Variants in PHRF1 observed in about 807,000 individuals in gnomAD.
PHRF1 encodes the protein PHD and RING finger domain-containing protein 1.
Under a neutral mutation model 128.9 loss-of-function variants are expected in PHRF1, and 53 were observed. The ratio of observed to expected loss-of-function variants is 0.41; its 90% CI spans 0.33 to 0.52. PHRF1 has a LOEUF of 0.52. PHRF1 is among the 20% of genes least tolerant of loss of function. The probability of loss-of-function intolerance (pLI) is 0.21; values close to 1 mark genes in which losing one functional copy is unlikely to be tolerated. For synonymous variants in PHRF1, 1,178 were observed against 980.6 expected (o/e 1.20, Z -3.76); for missense variants, 2,503 against 2,284.5 (o/e 1.10, Z -1.95).
intron 6 of PHRF1, among the ~76,000 whole-genome samples, chr11:594,705 G>A (rs141915736): frequency 8.9e-4 from 135 of 152,204 alleles, no homozygotes; most frequent in African/African-American, 3.1e-3. Flanking sequence ...CAATTGATCC[G>A]CCCACCTCGG....
chr11:588,861 G>C (rs1468217213), intron 4 of PHRF1, among the ~76,000 whole-genome samples: 1 of 152,088 alleles, frequency 6.6e-6, no homozygotes, highest in Non-Finnish European at 1.5e-5. Context: ...AATGGAACCG[G>C]GTGCAGTGGC....
intron 2 of PHRF1, 36 bp from the exon 3 acceptor site, chr11:581,926 G>A (rs200410941): frequency 4.5e-6 from 7 of 1,547,464 alleles, no homozygotes; most frequent in East Asian, 2.4e-5. Context: ...TGGTCTTGAC[G>A]CCGCCCTGCG....
At chr11:586,628 C>A (rs1196346616) in intron 3 of PHRF1, among the ~76,000 whole-genome samples, 1 of 152,182 alleles carries the variant, frequency 6.6e-6, no homozygotes, top group Non-Finnish European at 1.5e-5. Flanking sequence ...TAGCAGTGCA[C>A]GTATGGGCTC....
At chr11:583,166 C>T (rs1854315473) in intron 3 of PHRF1, among the ~76,000 whole-genome samples, 1 of 151,688 alleles carries the variant, frequency 6.6e-6, no homozygotes. Context: ...TGGTGAAACC[C>T]CGTCTCTACT....
At position 609,607 on chromosome 11, in the gene PHRF1, C is replaced by G; in HGVS notation, c.4151C>G (p.Pro1384Arg). 1 of 1,590,814 alleles carries G rather than the reference C, an allele frequency of 6.3e-7. No homozygotes were observed. The highest frequency in any genetic ancestry group is 8.5e-7 in the Non-Finnish European group (1 of 1,170,258). ...GGGAGGGTACAGGAGGCAGCCCGGCCTGAGGAGGTGGTTTCGCAGACCCCC... is the reference window on the plus strand; with the variant it reads ...GGGAGGGTACAGGAGGCAGCCCGGCGTGAGGAGGTGGTTTCGCAGACCCCC... ...ASGRVQEAAR[P>R]EEVVSQTPLL... Residue 1384 changes from proline to arginine, a missense_variant, in exon 14 of 18, where the codon CCT (proline) becomes CGT (arginine). Pro to Arg is a moderately radical substitution (Grantham distance 103, BLOSUM62 -2). Transcript: ENST00000264555.
intron 9 of PHRF1, among the ~76,000 whole-genome samples, chr11:601,103 A>G (rs1855599618): frequency 6.6e-6 from 1 of 152,086 alleles, no homozygotes; most frequent in South Asian, 2.1e-4. Context: ...GTGAGGTAAG[A>G]TCGCACCAGT....
At position 608,104 on chromosome 11, in the gene PHRF1, CGGT is replaced by C; in HGVS notation, c.2651_2653del (p.Val884del). On this transcript the variant is annotated inframe_deletion, in exon 14 of 18. Transcript: ENST00000264555. ...GCTGTGCGCTGCGTCACCTCCTACACGGTGGAGAGCATCTTTGGTACAGAGCCC... is the reference window on the plus strand; with the variant it reads ...GCTGTGCGCTGCGTCACCTCCTACACGGAGAGCATCTTTGGTACAGAGCCC... 2 of 1,611,858 alleles carry C rather than the reference CGGT, an allele frequency of 1.2e-6. No homozygotes were observed. The highest frequency in any genetic ancestry group is 1.7e-6 in the Non-Finnish European group (2 of 1,179,878).
intron 3 of PHRF1, among the ~76,000 whole-genome samples, chr11:585,052 A>C (rs930922129): frequency 4.6e-5 from 7 of 152,146 alleles, no homozygotes; most frequent in Non-Finnish European, 7.4e-5. Flanking sequence ...CTGTTTTTTA[A>C]ACATGAAGAA....
At chr11:583,212 G>T (rs754646134) in intron 3 of PHRF1, among the ~76,000 whole-genome samples, 2 of 151,946 alleles carry the variant, frequency 1.3e-5, no homozygotes, top group Non-Finnish European at 2.9e-5. Context: ...GTTGGCACGC[G>T]CCTGTAATCC....
rs367848709 is a variant in PHRF1, at chr11:607,155, G to C, written c.1699G>C (p.Gly567Arg). 6.2e-7 allele frequency: 1 copy of C among 1,612,908 alleles called. No homozygotes were observed. Residue 567 changes from glycine (G) to arginine (R), a missense_variant, in exon 14 of 18, where the codon GGG becomes CGG. By Grantham distance (125) the Gly-to-Arg change is moderately radical (BLOSUM62 -2). Transcript: ENST00000264555. Reference sequence around the variant, plus strand: ...CCTGCAGCCCCGAGCACTGCCCTCCGGGAGCCCGGCCCAAGGCCCGTCAGG... The same window carrying C: ...CCTGCAGCCCCGAGCACTGCCCTCCCGGAGCCCGGCCCAAGGCCCGTCAGG... Reference protein sequence around the residue: ...GCLQPRALPSGSPAQGPSGNR... With the variant: ...GCLQPRALPSRSPAQGPSGNR...
At position 608,719 on chromosome 11, in the gene PHRF1, C is replaced by T. The variant is rs377206692; in HGVS notation, c.3263C>T (p.Thr1088Met). The change falls in exon 14 of 18, where the codon ACG (threonine) becomes ATG (methionine). Residue 1088 changes from threonine to methionine, a missense_variant. Transcript: ENST00000264555. ...GGCCCCTGGGGCCACAGCCGGAGGA[C>T]GTCCCGGTCGCGGTCGGGGAGCCCT... is the stretch of plus-strand genomic sequence containing the variant. ...RRGPWGHSRR[T>M]SRSRSGSPGS... is the part of the protein sequence containing the mutation. 20 of 1,610,548 alleles carry T rather than the reference C, an allele frequency of 1.2e-5. No individual in the cohort carries two copies. Among genetic ancestry groups the T allele is most frequent in the East Asian group, 2.2e-5 (1 of 44,804 alleles).
Position 605,081 on chromosome 11 carries a change from GTC to G in PHRF1, c.1153-32_1153-31del, listed in dbSNP as rs780301601. 17 of 1,572,704 alleles carry G rather than the reference GTC, an allele frequency of 1.1e-5. No individual in the cohort carries two copies. The African/African-American group carries it at 1.8e-4, about 16-fold the overall frequency. ...CAGAGCCCTCGTAGATGCCATCCCC[GTC>G]TCTCTGTTCATCTTTTTCTTTGTTA... On this transcript the variant is annotated intron_variant, in intron 10 of 17. Transcript: ENST00000264555.
intron 6 of PHRF1, among the ~76,000 whole-genome samples, chr11:593,023 A>G (rs1393076644): frequency 6.6e-6 from 1 of 152,184 alleles, no homozygotes; most frequent in Admixed American, 6.5e-5. Context: ...TGCGTCCATC[A>G]TTCTGGCTGC....
intron 1 of PHRF1, among the ~76,000 whole-genome samples, chr11:578,844 C>G (rs12421646): frequency 0.22 from 33,343 of 152,058 alleles, 3,843 homozygotes; most frequent in African/African-American, 0.26. Context: ...AGCCACCACG[C>G]CCGGCTGATT....
At chr11:604,405 T>C (rs370105111) in intron 10 of PHRF1, among the ~76,000 whole-genome samples, 26 of 152,388 alleles carry the variant, frequency 1.7e-4, no homozygotes, top group African/African-American at 5.5e-4. Flanking sequence ...CCGCTCTGCC[T>C]AGAATCAGAA....
intron 3 of PHRF1, among the ~76,000 whole-genome samples, chr11:583,110 G>C (rs1854309543): frequency 6.6e-6 from 1 of 151,740 alleles, no homozygotes; most frequent in Non-Finnish European, 1.5e-5. Context: ...GGAGGCCGAG[G>C]CGGGCGGATC....
intron 9 of PHRF1, 139 bp downstream of exon 9, chr11:598,641 A>G: frequency 7.7e-7 from 1 of 1,304,766 alleles, no homozygotes; most frequent in Non-Finnish European, 1.0e-6. Flanking sequence ...AAAACACTAC[A>G]CAGAAGCCGC....
chr11:598,395 C>T lies in PHRF1; in HGVS notation c.917C>T (p.Ser306Phe). ...RVQHTPGRLG[S>F]SLLDEAIEAV... ...TAGCACACACCAGGGCGCCTCGGGTCTTCCCTGCTGGATGAAGCCATCGAG... is the reference window on the plus strand; with the variant it reads ...TAGCACACACCAGGGCGCCTCGGGTTTTCCCTGCTGGATGAAGCCATCGAG... The change falls in exon 9 of 18, where the codon TCT becomes TTT. Residue 306 changes from serine to phenylalanine, a missense_variant. Coordinates refer to ENST00000264555, the MANE Select transcript of PHRF1 (RefSeq NM_001286581.2). 1 of 1,610,562 alleles carries T rather than the reference C, an allele frequency of 6.2e-7. No homozygotes were observed. Among genetic ancestry groups the T allele is most frequent in the South Asian group, 1.1e-5 (1 of 91,076 alleles).
rs1443747208 is a variant in PHRF1, at chr11:581,583, C to T, written c.71C>T (p.Pro24Leu). The change falls in exon 2 of 18, where the codon CCT becomes CTT. Residue 24 changes from proline to leucine, a missense_variant. Physicochemically the swap from Pro to Leu is moderately conservative, Grantham distance 98. Coordinates refer to ENST00000264555, the MANE Select transcript of PHRF1 (RefSeq NM_001286581.2). Reference sequence around the variant, plus strand: ...CCGGATGGACACCCACAGGTCGGCCCTGCGGACCCGGCAGGTGACTTTGGT... The same window carrying T: ...CCGGATGGACACCCACAGGTCGGCCTTGCGGACCCGGCAGGTGACTTTGGT... Reference protein sequence around the residue: ...PGPDGHPQVGPADPAGDFEES... With the variant: ...PGPDGHPQVGLADPAGDFEES... 6.2e-7 allele frequency: 1 copy of T among 1,613,042 alleles called. No homozygotes were observed. The highest frequency in any genetic ancestry group is 1.1e-5 in the South Asian group (1 of 91,056).
Sources: allele counts gnomAD v4.1 joint callset (sites outside exome capture counted in the v4.1 genomes callset), GRCh38; gene constraint gnomAD v4.1.1; transcripts MANE v1.5; gene names NCBI Gene and HGNC (gene_info 2026-07-23, HGNC 2026-07-21).